The following ALDH1A2 variants were observed in gnomAD, a reference collection of about 807,000 sequenced individuals.
ALDH1A2 encodes the protein retinal dehydrogenase 2.
ALDH1A2 carries 27 observed loss-of-function variants against 60.3 expected under a neutral mutation model. The ratio of observed to expected loss-of-function variants is 0.45; its 90% CI spans 0.33 to 0.62. The LOEUF (loss-of-function observed/expected upper bound fraction) is 0.62, where lower values mean the gene tolerates loss of function less well. Ranked by LOEUF, ALDH1A2 falls within the 20% of genes least tolerant of loss-of-function variation. The probability of loss-of-function intolerance (pLI) is 0.02; values close to 1 mark genes in which losing one functional copy is unlikely to be tolerated. For missense variants in ALDH1A2, 581 were observed against 643.8 expected, an observed-to-expected ratio of 0.90 and a Z score of 1.06; for synonymous variants, 289 against 232.4, an observed-to-expected ratio of 1.24 and a Z score of -2.21.
At chr15:57,990,868 TC>T (rs1274819017) in intron 7 of ALDH1A2, among the ~76,000 whole-genome samples, 1 of 67,280 alleles carries the variant, frequency 1.5e-5, no homozygotes, top group Non-Finnish European at 2.9e-5. Context: ...AGAGTGAAAC[TC>T]CATCTCAAAA....
At chr15:58,012,635 G>A (rs573102596) in intron 3 of ALDH1A2, among the ~76,000 whole-genome samples, 4 of 152,264 alleles carry the variant, frequency 2.6e-5, no homozygotes. Flanking sequence ...ATTCCCTAGA[G>A]TGCCAGATTA....
intron 1 of ALDH1A2, among the ~76,000 whole-genome samples, chr15:58,026,485 T>G (rs1226825104): frequency 6.6e-6 from 1 of 152,140 alleles, no homozygotes. Flanking sequence ...CATTTCCAAC[T>G]AAGGTACCCG....
chr15:58,004,208 C>G (rs1461310380), intron 4 of ALDH1A2, among the ~76,000 whole-genome samples: 1 of 151,880 alleles, frequency 6.6e-6, no homozygotes, highest in Admixed American at 6.6e-5. Flanking sequence ...TTTGCTCTCT[C>G]TAACTGATTA....
Position 58,014,250 on chromosome 15 carries a change from T to G in ALDH1A2, c.149A>C (p.Glu50Ala). The change falls in exon 2 of 13, where the codon GAG becomes GCG. Residue 50 changes from glutamate to alanine, a missense_variant. This residue lies in a region of ALDH1A2 where 206 missense variants were observed against 174.1 expected (regional missense o/e 1.18). Transcript: ENST00000249750. ...ATAGACAGGGAACACTCTCCCACTC[T>G]CTGAGTTCTGCCACTCGTTGTTTAT... is the stretch of plus-strand genomic sequence containing the variant. ...IFINNEWQNS[E>A]SGRVFPVYNP... 1 of 1,614,094 alleles carries G rather than the reference T, an allele frequency of 6.2e-7. No individual in the cohort carries two copies. Among genetic ancestry groups the G allele is most frequent in the East Asian group, 2.2e-5 (1 of 44,872 alleles).
intron 1 of ALDH1A2, among the ~76,000 whole-genome samples, chr15:58,035,221 C>T (rs1896347677): frequency 6.6e-6 from 1 of 151,602 alleles, no homozygotes; most frequent in African/African-American, 2.4e-5. Flanking sequence ...CCTAAATTAT[C>T]AAATTTGTGG....
intron 1 of ALDH1A2, among the ~76,000 whole-genome samples, chr15:58,039,119 G>A (rs1472366901): frequency 6.6e-6 from 1 of 151,734 alleles, no homozygotes; most frequent in African/African-American, 2.4e-5. Flanking sequence ...AGACTCCAAT[G>A]GCTGTTGATT....
Position 57,995,075 on chromosome 15 carries a change from C to CA in ALDH1A2, c.555+2dup, listed in dbSNP as rs756713979. 2 of 1,609,558 alleles carry CA rather than the reference C, an allele frequency of 1.2e-6. No individual in the cohort carries two copies. Among genetic ancestry groups the CA allele is most frequent in the Non-Finnish European group, 1.7e-6 (2 of 1,176,300 alleles). ...AATACGAGGTGCGAGGAAATACACT[C>CA]ACTGGGATGATCTGTCCACACACTC... On this transcript the variant is annotated splice_region_variant and intron_variant, in intron 5 of 12. Transcript: ENST00000249750.
At chr15:57,987,036 T>TA (rs769117022) in intron 7 of ALDH1A2, among the ~76,000 whole-genome samples, 18 of 152,138 alleles carry the variant, frequency 1.2e-4, no homozygotes, top group Admixed American at 2.0e-4. Context: ...ATAAGATATT[T>TA]AAAAAATCAT....
chr15:58,010,550 A>C, intron 4 of ALDH1A2, 99 bp downstream of exon 4: 4 of 1,502,486 alleles, frequency 2.7e-6, no homozygotes, highest in South Asian at 1.2e-5. Flanking sequence ...AAGTGTGCTC[A>C]TATCTGTATT....
At chr15:57,982,148 T>C (rs1894536982) in intron 7 of ALDH1A2, among the ~76,000 whole-genome samples, 1 of 152,132 alleles carries the variant, frequency 6.6e-6, no homozygotes, top group Admixed American at 6.5e-5. Context: ...GTAGATTAAA[T>C]AACAAACACA....
intron 1 of ALDH1A2, among the ~76,000 whole-genome samples, chr15:58,043,321 T>C (rs1203937524): frequency 2.0e-5 from 3 of 152,024 alleles, no homozygotes; most frequent in Non-Finnish European, 2.9e-5. Context: ...TGTCATTTGT[T>C]ATTAAATCTA....
At position 57,955,198 on chromosome 15, in the gene ALDH1A2, TAGG is replaced by T. The variant is rs1253870442; in HGVS notation, c.1553_1555del (p.Ser518del). On this transcript the variant is annotated inframe_deletion, in exon 13 of 13. Transcript: ENST00000249750. ...GCTTCATCCTCCTTCTTGGCCTTCTTAGGAGTTCTTCTGGGGGATCTTTACTGT... is the reference window on the plus strand; with the variant it reads ...GCTTCATCCTCCTTCTTGGCCTTCTTAGTTCTTCTGGGGGATCTTTACTGT... The T allele has an allele frequency of 1.2e-6, 2 of 1,613,986 alleles. No individual in the cohort carries two copies. Among genetic ancestry groups the T allele is most frequent in the Non-Finnish European group, 1.7e-6 (2 of 1,179,974 alleles).
At position 57,992,403 on chromosome 15, in the gene ALDH1A2, T is replaced by C. The variant is rs527322135; in HGVS notation, c.798+302A>G. 4.6e-5 allele frequency among the ~76,000 whole-genome samples: 7 copies of C among 152,344 alleles called. No homozygotes were observed. The East Asian group carries it at 1.4e-3, about 29-fold the overall frequency. On this transcript the variant is annotated intron_variant, in intron 7 of 12. Coordinates refer to ENST00000249750, the MANE Select transcript of ALDH1A2 (RefSeq NM_003888.4). Reference sequence around the variant, plus strand: ...TATCCTTACCAGAGACTAGTTTAGATTTCCAGCTTCTTAACTTGCTTCTGC... The same window carrying C: ...TATCCTTACCAGAGACTAGTTTAGACTTCCAGCTTCTTAACTTGCTTCTGC...
At chr15:58,058,251 A>G (rs1052713447) in intron 1 of ALDH1A2, 5 of 554,212 alleles carry the variant, frequency 9.0e-6, no homozygotes, top group East Asian at 3.1e-5. Flanking sequence ...GAAATCTGGT[A>G]TATGAGTGTT....
intron 1 of ALDH1A2, among the ~76,000 whole-genome samples, chr15:58,016,372 G>A (rs1216338221): frequency 6.6e-6 from 1 of 152,002 alleles, no homozygotes; most frequent in Non-Finnish European, 1.5e-5. Context: ...ATGAACCCCT[G>A]ACCTCAGGTG....
intron 1 of ALDH1A2, among the ~76,000 whole-genome samples, chr15:58,048,882 G>A (rs532304547): frequency 2.0e-5 from 3 of 152,002 alleles, no homozygotes; most frequent in African/African-American, 7.2e-5. Flanking sequence ...TTTAGCATAT[G>A]TACACCCATC....
At chr15:58,032,167 A>C (rs1405699258) in intron 1 of ALDH1A2, among the ~76,000 whole-genome samples, 2 of 152,218 alleles carry the variant, frequency 1.3e-5, no homozygotes, top group African/African-American at 4.8e-5. Context: ...ATGGAATACT[A>C]TGCAGCCATA....
chr15:58,004,730 C>CATATACATAT (rs1555402517), intron 4 of ALDH1A2, among the ~76,000 whole-genome samples: 4 of 140,712 alleles, frequency 2.8e-5, no homozygotes, highest in Admixed American at 1.5e-4. Context: ...TATATATATA[C>CATATACATAT]ATATATATAT....
intron 1 of ALDH1A2, among the ~76,000 whole-genome samples, chr15:58,051,425 T>C (rs1259944428): frequency 2.0e-5 from 3 of 152,102 alleles, no homozygotes; most frequent in African/African-American, 7.2e-5. Flanking sequence ...AGGAGACAAA[T>C]GAAAAGCTCA....
Sources: allele counts gnomAD v4.1 joint callset (sites outside exome capture counted in the v4.1 genomes callset), GRCh38; gene constraint gnomAD v4.1.1; regional missense constraint gnomAD v4.1.1; transcripts MANE v1.5; gene names NCBI Gene and HGNC (gene_info 2026-07-23, HGNC 2026-07-21).